Variants in YWHAZ observed in about 807,000 individuals in gnomAD.
The protein encoded by YWHAZ is 14-3-3 protein zeta/delta.
For synonymous variants in YWHAZ, 87 were observed against 103.6 expected (o/e 0.84, Z 0.97); for missense variants, 79 against 284.8 (o/e 0.28, Z 5.20).
At chr8:100,945,926 A>G (rs1020807718) in intron 2 of YWHAZ, among the ~76,000 whole-genome samples, 1 of 152,102 alleles carries the variant, frequency 6.6e-6, no homozygotes, top group Non-Finnish European at 1.5e-5. Flanking sequence ...GTATGCAAAG[A>G]TCACTAAGTC....
In YWHAZ at chr8:100,950,660, G is replaced by C. The variant is rs56202193; in HGVS notation, c.-12+1269C>G. ...GCCCGCGCCCCCGCCCAAGCCGTGGGGGGGGGGGAGAGATGGGGAGCGAAG... is the reference window on the plus strand; with the variant it reads ...GCCCGCGCCCCCGCCCAAGCCGTGGCGGGGGGGGAGAGATGGGGAGCGAAG... On this transcript the variant is annotated intron_variant, in intron 1 of 5. Transcript: ENST00000395958. 333 of 903,766 alleles carry C rather than the reference G, an allele frequency of 3.7e-4. 1 individual carries two copies. The African/African-American group carries it at 4.2e-3, about 11-fold the overall frequency. The allele number at this position is 903,766 out of a possible 1,614,324, so 56.0% of individuals were successfully genotyped here.
chr8:100,920,808 G>GGGGT, intron 5 of YWHAZ, 56 bp from the exon 6 acceptor site: 1 of 464,804 alleles, frequency 2.2e-6, no homozygotes, highest in South Asian at 1.9e-5. Context: ...GGGGGGGGGG[G>GGGGT]CGTTTTCATA....
chr8:100,946,742 T>A (rs1308469242), intron 2 of YWHAZ, among the ~76,000 whole-genome samples: 1 of 152,114 alleles, frequency 6.6e-6, no homozygotes, highest in African/African-American at 2.4e-5. Flanking sequence ...AAATTGACTT[T>A]TGTCTTAAGG....
In YWHAZ at chr8:100,948,507, AG is replaced by A; in HGVS notation, c.294+88del. The A allele has an allele frequency of 7.0e-7, 1 of 1,422,174 alleles. No homozygotes were observed. The highest frequency in any genetic ancestry group is 2.3e-5 in the East Asian group (1 of 43,648). The allele number at this position is 1,422,174 out of a possible 1,614,324, so 88.1% of individuals were successfully genotyped here. On this transcript the variant is annotated intron_variant, in intron 2 of 5. Coordinates refer to ENST00000395958, the MANE Select transcript of YWHAZ (RefSeq NM_145690.3). This position sits in a 1 kb window ranked among gnomAD's most constrained non-coding sequence, Gnocchi z 4.2. Reference sequence around the variant, plus strand: ...GGAACACACAATGTTTAGAAGGAAAAGAAAAACCAAACAAAAAGTTAAGAGT... The same window carrying A: ...GGAACACACAATGTTTAGAAGGAAAAAAAAACCAAACAAAAAGTTAAGAGT...
intron 1 of YWHAZ, chr8:100,951,666 C>T: frequency 1.0e-6 from 1 of 985,246 alleles, no homozygotes; most frequent in Non-Finnish European, 1.2e-6. Flanking sequence ...TACCCACCCC[C>T]GGGGGCAGGA....
chr8:100,950,357 C>T (rs1810619776), intron 1 of YWHAZ: 1 of 985,272 alleles, frequency 1.0e-6, no homozygotes. Context: ...GCTCCAAGGC[C>T]TCGCCTCTAC....
chr8:100,921,172 T>C (rs1275063075), intron 5 of YWHAZ, among the ~76,000 whole-genome samples: 1 of 152,140 alleles, frequency 6.6e-6, no homozygotes, highest in Admixed American at 6.5e-5. Context: ...TAGCTGGGAC[T>C]ACAGGCATGT....
intron 2 of YWHAZ, among the ~76,000 whole-genome samples, chr8:100,937,005 G>A (rs1814194386): frequency 6.6e-6 from 1 of 152,144 alleles, no homozygotes; most frequent in African/African-American, 2.4e-5. Context: ...TTCTGGAGCA[G>A]AAACAGGAAA....
Position 100,922,835 on chromosome 8 carries a change from A to T in YWHAZ, c.678+1120T>A, listed in dbSNP as rs1157307321. The T allele has an allele frequency of 6.6e-6, 1 of 152,206 alleles. No individual in the cohort carries two copies. The highest frequency in any genetic ancestry group is 2.4e-5 in the African/African-American group (1 of 41,452). The allele number at this position is 152,206 out of a possible 1,614,324, so 9.4% of individuals were successfully genotyped here. On this transcript the variant is annotated intron_variant, in intron 5 of 5. Coordinates refer to ENST00000395958, the MANE Select transcript of YWHAZ (RefSeq NM_145690.3). This position sits in a 1 kb window ranked among gnomAD's most constrained non-coding sequence, Gnocchi z 4.1. Reference sequence around the variant, plus strand: ...AGGTCATCACTTTAAAAATGTCATCACTTCAAACTAGAAAAGAAAAATCCT... The same window carrying T: ...AGGTCATCACTTTAAAAATGTCATCTCTTCAAACTAGAAAAGAAAAATCCT...
At chr8:100,943,914 A>G (rs59962114) in intron 2 of YWHAZ, among the ~76,000 whole-genome samples, 8,964 of 151,350 alleles carry the variant, frequency 0.059, 283 homozygotes, top group African/African-American at 0.08. Flanking sequence ...GTGAGCCCGG[A>G]AGGCAGAGCT....
At chr8:100,940,592 C>G (rs919164249) in intron 2 of YWHAZ, among the ~76,000 whole-genome samples, 5 of 152,176 alleles carry the variant, frequency 3.3e-5, no homozygotes, top group East Asian at 1.9e-4. Context: ...TTCTAAAGTT[C>G]TCTTAAATTT....
At position 100,919,117 on chromosome 8, in the gene YWHAZ, G is replaced by C. The variant is rs1244496559; in HGVS notation, c.*1576C>G. 1 of 152,228 alleles carries C rather than the reference G, an allele frequency of 6.6e-6. No individual in the cohort carries two copies. Among genetic ancestry groups the C allele is most frequent in the Non-Finnish European group, 1.5e-5 (1 of 68,034 alleles). 9.4% of individuals were successfully genotyped at this position (152,228 alleles called of 1,614,324 possible). On this transcript the variant is annotated 3_prime_UTR_variant, in exon 6 of 6. Transcript: ENST00000395958. ...CAAGCAAAGGAAGCAGGGTGCCTTA[G>C]ACACTGAGTGGAGCCAGAAAGATCA...
Position 100,918,408 on chromosome 8 carries a change from T to TATATATA in YWHAZ, c.*2284_*2285insTATATAT, listed in dbSNP as rs1554611374. The TATATATA allele has an allele frequency of 2.6e-4, 11 of 41,888 alleles. No individual in the cohort carries two copies. Among genetic ancestry groups the TATATATA allele is most frequent in the Middle Eastern group, 0.024 (1 of 42 alleles). 2.6% of individuals were successfully genotyped at this position (41,888 alleles called of 1,614,324 possible). On this transcript the variant is annotated 3_prime_UTR_variant, in exon 6 of 6. Transcript: ENST00000395958. ...AGTCTAGCTATAAAATATAATTACTTTATATATATATATATATATATATAT... is the reference window on the plus strand; with the variant it reads ...AGTCTAGCTATAAAATATAATTACTTATATATATATATATATATATATATATATATAT...
Position 100,948,136 on chromosome 8 carries a change from G to A in YWHAZ, c.294+460C>T. ...TTGTGACGCCAGAGTTTTCTGCATG[G>A]TTGACTCATTACATTAACATTATAG... On this transcript the variant is annotated intron_variant, in intron 2 of 5. Coordinates refer to ENST00000395958, the MANE Select transcript of YWHAZ (RefSeq NM_145690.3). The surrounding 1 kb of genome is among the most constrained non-coding windows in gnomAD (Gnocchi z 4.2). The A allele has an allele frequency of 6.5e-7, 1 of 1,534,404 alleles. No individual in the cohort carries two copies.
In YWHAZ at chr8:100,951,962, C is replaced by A. The variant is rs950212438; in HGVS notation, c.-45G>T. ...GGAGTGGGTGGTGGCGGCGGACGGA[C>A]GGGCTCAGCAGTCTCTGGGCGGCGG... On this transcript the variant is annotated 5_prime_UTR_variant, in exon 1 of 6. Transcript: ENST00000395958. 1 of 1,002,324 alleles carries A rather than the reference C, an allele frequency of 1.0e-6. No homozygotes were observed. Among genetic ancestry groups the A allele is most frequent in the Non-Finnish European group, 1.2e-6 (1 of 841,786 alleles). The allele number at this position is 1,002,324 out of a possible 1,614,324, so 62.1% of individuals were successfully genotyped here. A position where few individuals can be genotyped will look rare whatever the true frequency, so the allele number is the denominator to read the frequency against.
chr8:100,950,604 C>A, intron 1 of YWHAZ: 1 of 985,954 alleles, frequency 1.0e-6, no homozygotes, highest in Non-Finnish European at 1.2e-6. Flanking sequence ...GTGTTAATTC[C>A]TCCCCCCGAC....
intron 2 of YWHAZ, among the ~76,000 whole-genome samples, chr8:100,946,552 AAAACAAAC>A (rs528889801): frequency 6.6e-6 from 1 of 152,130 alleles, no homozygotes; most frequent in Admixed American, 6.5e-5. Context: ...ACTCAGTCTC[AAAACAAAC>A]AAACAAACAA....
intron 2 of YWHAZ, among the ~76,000 whole-genome samples, chr8:100,925,633 A>T (rs1181640859): frequency 6.6e-6 from 1 of 152,230 alleles, no homozygotes; most frequent in Non-Finnish European, 1.5e-5. Flanking sequence ...ACAGATTTTA[A>T]AGAGCAGACC....
At chr8:100,927,570 C>T (rs1463556973) in intron 2 of YWHAZ, among the ~76,000 whole-genome samples, 1 of 152,182 alleles carries the variant, frequency 6.6e-6, no homozygotes, top group Non-Finnish European at 1.5e-5. Flanking sequence ...TTTTCGGTAA[C>T]TTTAACCCCC....
Sources: allele counts gnomAD v4.1 joint callset (sites outside exome capture counted in the v4.1 genomes callset), GRCh38; gene constraint gnomAD v4.1.1; non-coding constraint Gnocchi (gnomAD v3.1); transcripts MANE v1.5; gene names NCBI Gene and HGNC (gene_info 2026-07-23, HGNC 2026-07-21).